The following AP5Z1 variants were observed in gnomAD, a reference collection of about 807,000 sequenced individuals.
The protein encoded by AP5Z1 is adaptor related protein complex 5 subunit zeta 1.
In AP5Z1, 106 loss-of-function variants were observed where a neutral mutation model predicts 83.0. The observed-to-expected ratio is 1.28, with a 90% CI of 1.09 to 1.50. The LOEUF is 1.50. Ranked by LOEUF, AP5Z1 falls within the 40% of genes most tolerant of loss-of-function variation. AP5Z1 has a pLI of 0.00. For missense variants in AP5Z1, 1,565 were observed against 1,094.2 expected, an observed-to-expected ratio of 1.43 and a Z score of -6.07; for synonymous variants, 751 against 514.1, an observed-to-expected ratio of 1.46 and a Z score of -6.23.
intron 3 of AP5Z1, among the ~76,000 whole-genome samples, chr7:4,781,981 G>A (rs1781394751): frequency 6.6e-6 from 1 of 152,246 alleles, no homozygotes; most frequent in African/African-American, 2.4e-5. Context: ...AGGTGGTGGA[G>A]TTTGGTTTCT....
At chr7:4,778,286 G>T (rs995867175) in intron 1 of AP5Z1, among the ~76,000 whole-genome samples, 1 of 152,138 alleles carries the variant, frequency 6.6e-6, no homozygotes, top group Non-Finnish European at 1.5e-5. Context: ...TCAGAGATAC[G>T]GAAAGCAAGG....
At chr7:4,782,225 GTA>G (rs888071133) in intron 3 of AP5Z1, among the ~76,000 whole-genome samples, 2 of 152,078 alleles carry the variant, frequency 1.3e-5, no homozygotes, top group African/African-American at 4.8e-5. Flanking sequence ...GTTAATGTTT[GTA>G]TTTTTTTGTA....
In AP5Z1 at chr7:4,781,584, G is replaced by A. The variant is rs369340724; in HGVS notation, c.196G>A (p.Val66Ile). The A allele has an allele frequency of 3.5e-5, 56 of 1,608,844 alleles. No individual in the cohort carries two copies. The African/African-American group carries it at 3.7e-4, about 11-fold the overall frequency. Residue 66 changes from valine (V) to isoleucine (I), a missense_variant, in exon 3 of 17, where the codon GTA becomes ATA. Physicochemically the swap from Val to Ile is conservative, Grantham distance 29. Transcript: ENST00000649063. ...GCCTTCCAGGCTGGAGAAGACATGC[G>A]TAGACCTGCTGCAGGCCACCCTCGG... is the stretch of plus-strand genomic sequence containing the variant. ...KYSRRLEKTC[V>I]DLLQATLGLP...
rs534929490 is a variant in AP5Z1 at position 4,791,596 on chromosome 7, A to ACTGAG, written c.*222_*226dup. The ACTGAG allele has an allele frequency of 2.3e-4, 163 of 718,490 alleles. 1 individual carries two copies. The highest frequency in any genetic ancestry group is 7.7e-4 in the Admixed American group (26 of 33,554). The allele number at this position is 718,490 out of a possible 1,614,324, so 44.5% of individuals were successfully genotyped here. On this transcript the variant is annotated 3_prime_UTR_variant, in exon 17 of 17. Coordinates refer to ENST00000649063, the MANE Select transcript of AP5Z1 (RefSeq NM_014855.3). ...TCCGAGCCTTTTGCTCCCAGGCAAC[A>ACTGAG]CTGAGCTGAGCTGAGGGGTGCCATG... is the stretch of plus-strand genomic sequence containing the variant.
In AP5Z1 at chr7:4,790,661, C is replaced by A. The variant is rs757698407; in HGVS notation, c.1939-12C>A. ...GCCTGGGTGGGGGCTGAATCTCTGT[C>A]CCCGGGCCTAGGTGTGGGCCATCGG... On this transcript the variant is annotated splice_polypyrimidine_tract_variant and intron_variant, in intron 15 of 16. Coordinates refer to ENST00000649063, the MANE Select transcript of AP5Z1 (RefSeq NM_014855.3). 41 of 1,612,000 alleles carry A rather than the reference C, an allele frequency of 2.5e-5. No homozygotes were observed. The highest frequency in any genetic ancestry group is 3.4e-5 in the Non-Finnish European group (40 of 1,179,618).
At chr7:4,778,040 G>A (rs933899064) in intron 1 of AP5Z1, among the ~76,000 whole-genome samples, 27 of 152,276 alleles carry the variant, frequency 1.8e-4, no homozygotes, top group African/African-American at 5.1e-4. Flanking sequence ...ACAACATAGC[G>A]AGACCCGTCT....
intron 3 of AP5Z1, among the ~76,000 whole-genome samples, 185 bp from the exon 4 acceptor site, chr7:4,783,131 G>A (rs904793815): frequency 1.3e-5 from 2 of 152,220 alleles, no homozygotes; most frequent in Admixed American, 6.5e-5. Flanking sequence ...CAGGGAGAGA[G>A]GCTGGAGGCG....
intron 13 of AP5Z1, among the ~76,000 whole-genome samples, chr7:4,789,416 G>A (rs1781672019): frequency 6.6e-6 from 1 of 152,138 alleles, no homozygotes; most frequent in Non-Finnish European, 1.5e-5. Context: ...CAAAATAAAG[G>A]CTCCCACAGG....
chr7:4,790,433 A>C (rs1781724303), intron 14 of AP5Z1, 26 bp from the exon 15 acceptor site: 1 of 1,612,716 alleles, frequency 6.2e-7, no homozygotes, highest in South Asian at 1.1e-5. Flanking sequence ...TGCACAGAGC[A>C]GGCGTAGACC....
At chr7:4,782,621 G>T (rs984972135) in intron 3 of AP5Z1, among the ~76,000 whole-genome samples, 1 of 152,050 alleles carries the variant, frequency 6.6e-6, no homozygotes, top group Non-Finnish European at 1.5e-5. Flanking sequence ...CATCACTGGG[G>T]TCATCCTGGT....
In AP5Z1 at chr7:4,788,808, G is replaced by A. The variant is rs200756317; in HGVS notation, c.1596-32G>A. The A allele has an allele frequency of 6.2e-4, 963 of 1,547,832 alleles. 3 individuals are homozygous for A. In the African/African-American group the frequency reaches 0.01, roughly 16 times the overall value. ...GCCTGCAGTCACCAGGTCGGGGAGC[G>A]GGCAGCACTCACGGCCACACTGTGT... On this transcript the variant is annotated intron_variant, in intron 12 of 16. Transcript: ENST00000649063.
rs1173715348 is a variant in AP5Z1 at position 4,784,188 on chromosome 7, C to T, written c.622-15C>T. 2 of 1,579,936 alleles carry T rather than the reference C, an allele frequency of 1.3e-6. No homozygotes were observed. The highest frequency in any genetic ancestry group is 1.8e-5 in the Admixed American group (1 of 55,318). The stretch of plus-strand genomic sequence containing the variant: ...CTCGGCCCCCTCCGCCCACTCCTGC[C>T]TGTCCTTCCCACAGCCGGGCCCCGT... On this transcript the variant is annotated splice_polypyrimidine_tract_variant and intron_variant, in intron 5 of 16. Coordinates refer to ENST00000649063, the MANE Select transcript of AP5Z1 (RefSeq NM_014855.3).
At chr7:4,786,192 C>G (rs1480073401) in intron 9 of AP5Z1, 58 bp from the exon 10 acceptor site, 9 of 1,503,794 alleles carry the variant, frequency 6.0e-6, no homozygotes, top group Admixed American at 2.2e-5. Context: ...TAACCAGTCA[C>G]AGAAGCACGG....
At chr7:4,781,125 G>T (rs1781369309) in intron 1 of AP5Z1, 50 bp from the exon 2 acceptor site, 2 of 1,580,576 alleles carry the variant, frequency 1.3e-6, no homozygotes, top group Admixed American at 1.8e-5. Context: ...CCTTTTTTTG[G>T]TTCCGAGCAG....
Position 4,791,211 on chromosome 7 carries a change from G to A in AP5Z1, c.2250G>A (p.Arg750=), listed in dbSNP as rs1382109225. Residue 750 remains arginine (R), a synonymous_variant, in exon 17 of 17, where the codon CGG becomes CGA. Coordinates refer to ENST00000649063, the MANE Select transcript of AP5Z1 (RefSeq NM_014855.3). Reference sequence around the variant, plus strand: ...AGGGCGCGGAAGCCATCCGTACCCGGGCCACAGAGCTGCTGACCCTGCTGA... The same window carrying A: ...AGGGCGCGGAAGCCATCCGTACCCGAGCCACAGAGCTGCTGACCCTGCTGA... ...SEEGAEAIRT[R]ATELLTLLKM... 6.2e-7 allele frequency: 1 copy of A among 1,612,652 alleles called. No individual in the cohort carries two copies. Among genetic ancestry groups the A allele is most frequent in the Non-Finnish European group, 8.5e-7 (1 of 1,179,840 alleles).
chr7:4,785,281 C>A, intron 7 of AP5Z1, 134 bp from the exon 8 acceptor site: 2 of 1,353,558 alleles, frequency 1.5e-6, no homozygotes, highest in African/African-American at 1.5e-5. Context: ...CTCAGTCCCA[C>A]TCAAGTCCTC....
intron 16 of AP5Z1, 96 bp downstream of exon 16, chr7:4,790,983 C>T (rs186146654): frequency 2.0e-6 from 3 of 1,474,646 alleles, no homozygotes; most frequent in African/African-American, 1.4e-5. Flanking sequence ...ATGGTCGCAG[C>T]AGCGCAGGTC....
chr7:4,785,155 G>A, intron 7 of AP5Z1, 107 bp downstream of exon 7: 1 of 1,484,354 alleles, frequency 6.7e-7, no homozygotes, highest in Non-Finnish European at 9.0e-7. Context: ...CCACAGAGGG[G>A]GTCCCTGGGT....
chr7:4,785,799 G>T, intron 9 of AP5Z1, 115 bp downstream of exon 9: 1 of 1,328,512 alleles, frequency 7.5e-7, no homozygotes, highest in Non-Finnish European at 9.8e-7. Flanking sequence ...AGAGACAGGG[G>T]TCTTGCTGTG....
Sources: gnomAD v4.1 joint callset for allele counts (sites outside exome capture counted in the v4.1 genomes callset) on GRCh38, gnomAD v4.1.1 for gene constraint, MANE v1.5 for transcripts, NCBI Gene and HGNC (gene_info 2026-07-23, HGNC 2026-07-21) for gene names.